Variants in SLC5A8 observed in about 807,000 individuals in gnomAD.
SLC5A8 encodes the protein solute carrier family 5 member 8.
Under a neutral mutation model 71.9 loss-of-function variants are expected in SLC5A8, and 55 were observed. The ratio of observed to expected loss-of-function variants is 0.77; its 90% CI spans 0.62 to 0.96. The LOEUF (loss-of-function observed/expected upper bound fraction) is 0.96. Ranked by LOEUF, SLC5A8 falls within the 40% of genes least tolerant of loss-of-function variation. The pLI is 0.00. For missense variants in SLC5A8, 701 were observed against 745.3 expected (o/e 0.94, Z 0.69); for synonymous variants, 307 against 276.1 (o/e 1.11, Z -1.11).
At chr12:101,174,122 G>C (rs1593367690) in intron 10 of SLC5A8, among the ~76,000 whole-genome samples, 1 of 152,180 alleles carries the variant, frequency 6.6e-6, no homozygotes, top group East Asian at 1.9e-4. Flanking sequence ...TTGACTTCTT[G>C]ATCAGAACCA....
intron 13 of SLC5A8, among the ~76,000 whole-genome samples, chr12:101,159,427 G>A (rs1351117488): frequency 6.6e-6 from 1 of 152,184 alleles, no homozygotes; most frequent in Non-Finnish European, 1.5e-5. Flanking sequence ...TGAAAACATA[G>A]CCTTCTGCAT....
At chr12:101,165,678 A>G (rs1298594685) in intron 12 of SLC5A8, among the ~76,000 whole-genome samples, 2 of 152,192 alleles carry the variant, frequency 1.3e-5, no homozygotes, top group Non-Finnish European at 2.9e-5. Flanking sequence ...GGCTATATGT[A>G]TGATCACGTT....
At chr12:101,158,550 GTCTCTCTCTCTCTCTCTCTCTCTC>G (rs372186123) in intron 13 of SLC5A8, among the ~76,000 whole-genome samples, 7 of 48,504 alleles carry the variant, frequency 1.4e-4, no homozygotes, top group African/African-American at 3.5e-4. Flanking sequence ...ATAAATATGA[GTCTCTCTCTCTCTCTCTCTCTCTC>G]TCTCTCTCTC....
intron 2 of SLC5A8, among the ~76,000 whole-genome samples, chr12:101,202,872 A>G (rs973891371): frequency 3.3e-5 from 5 of 152,210 alleles, no homozygotes; most frequent in Admixed American, 3.3e-4. Context: ...TTTCAAATAT[A>G]TCCCATAAAA....
Position 101,193,694 on chromosome 12 carries a change from A to C in SLC5A8, c.623T>G (p.Val208Gly), listed in dbSNP as rs751464562. Reference protein sequence around the residue: ...AGFASVIIQAVVMQGGISTIL... With the variant: ...AGFASVIIQAGVMQGGISTIL... ...AGTGCTGATTCCACCTTGCATCACC[A>C]CAGCCTGTATAATCACGGATGCAAA... Residue 208 changes from valine (V) to glycine (G), a missense_variant, in exon 5 of 15, where the codon GTG becomes GGG. Transcript: ENST00000536262. 6 of 1,614,088 alleles carry C rather than the reference A, an allele frequency of 3.7e-6. No individual in the cohort carries two copies. The highest frequency in any genetic ancestry group is 5.1e-6 in the Non-Finnish European group (6 of 1,180,034).
intron 10 of SLC5A8, among the ~76,000 whole-genome samples, chr12:101,175,506 T>C (rs1413142772): frequency 2.0e-5 from 3 of 151,354 alleles, no homozygotes; most frequent in African/African-American, 4.9e-5. Context: ...CCTAAAAACA[T>C]AGGAAAAGAA....
At chr12:101,189,449 T>C (rs1056726881) in intron 6 of SLC5A8, among the ~76,000 whole-genome samples, 6 of 152,168 alleles carry the variant, frequency 3.9e-5, no homozygotes, top group Admixed American at 3.3e-4. Context: ...CTCCTTTAAA[T>C]AGAAATAGAA....
Position 101,158,284 on chromosome 12 carries a change from C to T in SLC5A8, c.1675G>A (p.Glu559Lys), listed in dbSNP as rs1442016291. 1 of 1,593,866 alleles carries T rather than the reference C, an allele frequency of 6.3e-7. No homozygotes were observed. Residue 559 changes from glutamate (E) to lysine (K), a missense_variant, in exon 14 of 15, where the codon GAG becomes AAG. Transcript: ENST00000536262. ...NLDPRYILTK[E>K]DFLSNFDIFK... ...ATATCAAAATTGGATAAAAAGTCCTCTTTGGTTAGTATGTATCTGGGGTCT... is the reference window on the plus strand; with the variant it reads ...ATATCAAAATTGGATAAAAAGTCCTTTTTGGTTAGTATGTATCTGGGGTCT...
At chr12:101,174,378 CTGGTGTCA>C (rs2051859620) in intron 10 of SLC5A8, among the ~76,000 whole-genome samples, 1 of 152,150 alleles carries the variant, frequency 6.6e-6, no homozygotes, top group Non-Finnish European at 1.5e-5. Flanking sequence ...TGAGAATAAG[CTGGTGTCA>C]TGGGCCAGAT....
At chr12:101,180,002 C>A in intron 10 of SLC5A8, 27 bp downstream of exon 10, 3 of 1,613,536 alleles carry the variant, frequency 1.9e-6, no homozygotes, top group Non-Finnish European at 2.5e-6. Flanking sequence ...TGATTTATGA[C>A]TTAAACCTCC....
At chr12:101,191,555 G>A (rs1266754893) in intron 5 of SLC5A8, among the ~76,000 whole-genome samples, 2 of 152,208 alleles carry the variant, frequency 1.3e-5, no homozygotes, top group Non-Finnish European at 2.9e-5. Flanking sequence ...CTCCCCAAGA[G>A]AGAGAAGCTA....
rs747286071 is a variant in SLC5A8 at position 101,157,306 on chromosome 12, A to G, written c.1806T>C (p.Ser602=). 6.2e-7 allele frequency: 1 copy of G among 1,613,534 alleles called. No homozygotes were observed. Among genetic ancestry groups the G allele is most frequent in the Non-Finnish European group, 8.5e-7 (1 of 1,179,754 alleles). ...FNHIELNSDQ[S]GKSNGTRL is the part of the protein sequence containing the mutation. The stretch of plus-strand genomic sequence containing the variant: ...ACAAACGAGTCCCATTGCTCTTGCC[A>G]CTCTGATCTGAGTTCAATTCAATGT... The change falls in exon 15 of 15, where the codon AGT becomes AGC. Residue 602 remains serine, a synonymous_variant. Coordinates refer to ENST00000536262, the MANE Select transcript of SLC5A8 (RefSeq NM_145913.5).
chr12:101,190,396 G>T, intron 6 of SLC5A8, 72 bp downstream of exon 6: 3 of 1,508,194 alleles, frequency 2.0e-6, no homozygotes, highest in Admixed American at 2.1e-5. Flanking sequence ...AGCTAAACGT[G>T]ACTTATGAAA....
chr12:101,209,855 A>ACGGT lies in SLC5A8; in HGVS notation c.-11_-8dup, dbSNP rs780807279. 20 of 1,530,088 alleles carry ACGGT rather than the reference A, an allele frequency of 1.3e-5. No individual in the cohort carries two copies. In the African/African-American group the frequency reaches 2.6e-4, roughly 20 times the overall value. The allele number at this position is 1,530,088 out of a possible 1,614,324, so 94.8% of individuals were successfully genotyped here. On this transcript the variant is annotated 5_prime_UTR_variant, in exon 1 of 15. Coordinates refer to ENST00000536262, the MANE Select transcript of SLC5A8 (RefSeq NM_145913.5). ...TGCCCCGTGGCGTGTCCATGGCCGC[A>ACGGT]CGGTCGCCTGAGCCCTGCGCGCAAA...
At chr12:101,200,582 C>A (rs540622985) in intron 3 of SLC5A8, among the ~76,000 whole-genome samples, 1 of 152,056 alleles carries the variant, frequency 6.6e-6, no homozygotes, top group East Asian at 1.9e-4. Context: ...AATGTAAACA[C>A]TGACTTGATA....
At chr12:101,164,651 A>C (rs2137123972) in intron 12 of SLC5A8, among the ~76,000 whole-genome samples, 1 of 152,274 alleles carries the variant, frequency 6.6e-6, no homozygotes, top group African/African-American at 2.4e-5. Context: ...CTTGCGATAC[A>C]GATTGTGTCC....
intron 14 of SLC5A8, among the ~76,000 whole-genome samples, chr12:101,157,737 CA>C (rs2137117421): frequency 6.6e-6 from 1 of 151,978 alleles, no homozygotes; most frequent in South Asian, 2.1e-4. Context: ...TACAGGTTAT[CA>C]GAGGATAGAC....
intron 13 of SLC5A8, among the ~76,000 whole-genome samples, chr12:101,160,747 G>T (rs567510323): frequency 2.0e-5 from 3 of 152,146 alleles, no homozygotes; most frequent in Non-Finnish European, 4.4e-5. Context: ...AGAATTATTG[G>T]AAAAGTAAGT....
intron 4 of SLC5A8, 98 bp downstream of exon 4, chr12:101,194,997 A>G: frequency 2.7e-6 from 3 of 1,119,564 alleles, no homozygotes; most frequent in Non-Finnish European, 4.0e-6. Flanking sequence ...ATAGGAGAGT[A>G]AGTGTGGACA....
Sources: gnomAD v4.1 joint callset for allele counts (sites outside exome capture counted in the v4.1 genomes callset) on GRCh38, gnomAD v4.1.1 for gene constraint, MANE v1.5 for transcripts, NCBI Gene and HGNC (gene_info 2026-07-23, HGNC 2026-07-21) for gene names.